Variants in DNAH14 observed in about 807,000 individuals in gnomAD.
DNAH14 encodes the protein dynein axonemal heavy chain 14.
A neutral mutation model predicts 520.9 loss-of-function variants in DNAH14; 478 were observed. The observed-to-expected ratio is 0.92, with a 90% CI of 0.85 to 0.99. The LOEUF (loss-of-function observed/expected upper bound fraction) is 0.99. Ranked by LOEUF, DNAH14 falls within the 50% of genes least tolerant of loss-of-function variation. DNAH14 has a pLI of 0.00. For missense variants in DNAH14, 4,831 were observed against 5,234.5 expected (o/e 0.92, Z 2.38); for synonymous variants, 1,581 against 1,757.2 (o/e 0.90, Z 2.51).
At chr1:225,153,943 G>T in intron 34 of DNAH14, 117 bp downstream of exon 34, 1 of 643,990 alleles carries the variant, frequency 1.6e-6, no homozygotes. Flanking sequence ...GACTGTCATA[G>T]TAAAGTAAGG....
At chr1:225,029,274 A>G (rs1363225421) in intron 11 of DNAH14, among the ~76,000 whole-genome samples, 1 of 151,984 alleles carries the variant, frequency 6.6e-6, no homozygotes, top group Non-Finnish European at 1.5e-5. Context: ...GGTGGGGGTG[A>G]GAGGAACCTT....
At chr1:225,170,689 T>C (rs1300059137) in intron 36 of DNAH14, among the ~76,000 whole-genome samples, 1 of 152,184 alleles carries the variant, frequency 6.6e-6, no homozygotes, top group Non-Finnish European at 1.5e-5. Context: ...AATACCCCAC[T>C]GTCAACATTC....
At chr1:225,222,279 G>A (rs1488686779) in intron 41 of DNAH14, among the ~76,000 whole-genome samples, 1 of 152,150 alleles carries the variant, frequency 6.6e-6, no homozygotes, top group Non-Finnish European at 1.5e-5. Context: ...CTTTCATCAT[G>A]GGACAACAGT....
rs41303311 is a variant in DNAH14, at chr1:225,259,136, G to A, written c.7040G>A (p.Gly2347Glu). The A allele has an allele frequency of 0.019, 29,641 of 1,541,790 alleles. 437 individuals are homozygous for A. The highest frequency in any genetic ancestry group is 0.056 in the Admixed American group (2,680 of 47,848). Residue 2347 changes from glycine (G) to glutamate (E), a missense_variant, in exon 46 of 86, where the codon GGG becomes GAG. By Grantham distance (98) the Gly-to-Glu change is moderately conservative (BLOSUM62 -2). Coordinates refer to ENST00000682510, the MANE Select transcript of DNAH14 (RefSeq NM_001367479.1). ...TTTCCCTTAGGAGAATCTGGTGTTG[G>A]GAAAACTGCTGCCATTAATCAAATG... ...PVLLTGESGV[G>E]KTAAINQMLE...
chr1:224,978,388 A>G (rs555716275), intron 8 of DNAH14, among the ~76,000 whole-genome samples: 1 of 152,344 alleles, frequency 6.6e-6, no homozygotes, highest in South Asian at 2.1e-4. Flanking sequence ...CATCATGTTA[A>G]GTTAAATAAG....
intron 3 of DNAH14, 74 bp downstream of exon 3, chr1:224,955,172 A>G (rs920315891): frequency 6.8e-7 from 1 of 1,470,430 alleles, no homozygotes; most frequent in African/African-American, 1.4e-5. Context: ...AATTTTTCAT[A>G]GCATTAAATT....
chr1:225,328,954 C>T (rs1042459156), intron 64 of DNAH14, among the ~76,000 whole-genome samples: 3 of 151,844 alleles, frequency 2.0e-5, no homozygotes, highest in Non-Finnish European at 4.4e-5. Flanking sequence ...CATATATATA[C>T]ACATATAAAT....
At chr1:225,089,534 TAA>T (rs1455125921) in intron 21 of DNAH14, among the ~76,000 whole-genome samples, 2 of 150,648 alleles carry the variant, frequency 1.3e-5, no homozygotes, top group African/African-American at 4.9e-5. Context: ...AAAAAATTTT[TAA>T]AAACTAGAAA....
chr1:225,318,138 A>G (rs1339888291), intron 60 of DNAH14, among the ~76,000 whole-genome samples: 1 of 152,226 alleles, frequency 6.6e-6, no homozygotes, highest in Non-Finnish European at 1.5e-5. Context: ...TGCAGTTCAA[A>G]TGTCTTACTT....
chr1:225,005,484 T>G (rs12566857), intron 9 of DNAH14, among the ~76,000 whole-genome samples: 8,367 of 152,210 alleles, frequency 0.055, 471 homozygotes, highest in East Asian at 0.24. Context: ...ATTATAGTAC[T>G]GGATAAATGC....
chr1:225,219,112 A>G (rs1004150493), intron 41 of DNAH14, among the ~76,000 whole-genome samples: 2 of 152,190 alleles, frequency 1.3e-5, no homozygotes, highest in African/African-American at 4.8e-5. Flanking sequence ...AAGTTTTTAA[A>G]ATGAATGAGA....
intron 23 of DNAH14, among the ~76,000 whole-genome samples, chr1:225,107,168 A>C (rs2076130757): frequency 6.6e-6 from 1 of 152,196 alleles, no homozygotes; most frequent in South Asian, 2.1e-4. Flanking sequence ...CCTGGGTATC[A>C]GCAGCGGAGG....
At chr1:225,073,776 C>T (rs540589743) in intron 17 of DNAH14, among the ~76,000 whole-genome samples, 17 of 152,154 alleles carry the variant, frequency 1.1e-4, no homozygotes, top group African/African-American at 4.1e-4. Flanking sequence ...ACCTCCGCCT[C>T]CCAGATTCAA....
chr1:225,062,853 A>C (rs2070357976), intron 17 of DNAH14, among the ~76,000 whole-genome samples: 1 of 152,332 alleles, frequency 6.6e-6, no homozygotes, highest in South Asian at 2.1e-4. Flanking sequence ...TTCTGCATTT[A>C]ATTACCTGAA....
chr1:225,066,451 G>A (rs2070890929), intron 17 of DNAH14, among the ~76,000 whole-genome samples: 1 of 151,670 alleles, frequency 6.6e-6, no homozygotes, highest in South Asian at 2.1e-4. Context: ...TCTTCTAGAA[G>A]TTTTACAGTT....
In DNAH14 at chr1:225,043,126, G is replaced by C; in HGVS notation, c.1768+12G>C. ...AGATATTATTTCAGGTAAGACAATT[G>C]AGACTATAAAGAATGAGGGGTTGCC... is the stretch of plus-strand genomic sequence containing the variant. On this transcript the variant is annotated intron_variant, in intron 13 of 85. Transcript: ENST00000682510. 1 of 1,544,002 alleles carries C rather than the reference G, an allele frequency of 6.5e-7. No individual in the cohort carries two copies. Among genetic ancestry groups the C allele is most frequent in the African/African-American group, 1.4e-5 (1 of 72,758 alleles).
At chr1:225,364,328 C>T (rs1424193404) in intron 75 of DNAH14, among the ~76,000 whole-genome samples, 2 of 152,104 alleles carry the variant, frequency 1.3e-5, no homozygotes, top group East Asian at 3.8e-4. Flanking sequence ...CTTTCTAACT[C>T]CACAACTTCT....
chr1:225,365,154 T>G (rs931090059), intron 76 of DNAH14, among the ~76,000 whole-genome samples: 43 of 152,202 alleles, frequency 2.8e-4, no homozygotes, highest in African/African-American at 9.9e-4. Flanking sequence ...TAAAGCAAAA[T>G]TTACAATTTG....
chr1:224,948,462 G>C (rs1273707172), intron 1 of DNAH14, among the ~76,000 whole-genome samples: 1 of 151,538 alleles, frequency 6.6e-6, no homozygotes, highest in African/African-American at 2.4e-5. Context: ...GTATCTTTAT[G>C]TTTCGGAAAT....
Sources: gnomAD v4.1 joint callset for allele counts (sites outside exome capture counted in the v4.1 genomes callset) on GRCh38, gnomAD v4.1.1 for gene constraint, MANE v1.5 for transcripts, NCBI Gene and HGNC (gene_info 2026-07-23, HGNC 2026-07-21) for gene names.